The following PDPN variants were observed in gnomAD, a reference collection of about 807,000 sequenced individuals.
PDPN encodes PA2.26 antigen.
A neutral mutation model predicts 23.2 loss-of-function variants in PDPN; 12 were observed. The ratio of observed to expected loss-of-function variants is 0.52; its 90% confidence interval spans 0.33 to 0.84. PDPN has a LOEUF of 0.84. Among genes scored for constraint, PDPN ranks in the 40% least tolerant of loss-of-function variants. The pLI, the probability that PDPN is intolerant of heterozygous loss-of-function variation, is 0.02. For missense variants in PDPN, 199 were observed against 212.2 expected, an observed-to-expected ratio of 0.94 and a Z score of 0.39; for synonymous variants, 77 against 76.7, an observed-to-expected ratio of 1.00 and a Z score of -0.02.
rs115180936 is a variant in PDPN at position 13,600,701 on chromosome 1, A to T, written c.68-6472A>T. On this transcript the variant is annotated intron_variant, in intron 1 of 5. Transcript: ENST00000621990. ...CTTCCGACCTTGTTAAAGAAACACT[A>T]ATTCTGACACTTGTTGAAATTGTAC... Among the ~76,000 whole-genome samples the T allele has an allele frequency of 5.6e-3, 853 of 152,250 alleles. 6 individuals carry two copies. Among genetic ancestry groups the T allele is most frequent in the African/African-American group, 0.02 (811 of 41,556 alleles).
chr1:13,593,812 T>C (rs1640418299), intron 1 of PDPN, among the ~76,000 whole-genome samples: 1 of 152,216 alleles, frequency 6.6e-6, no homozygotes, highest in African/African-American at 2.4e-5. Flanking sequence ...GGACAGCACT[T>C]CTAAAGCAGG....
chr1:13,585,820 A>C (rs1241698755), intron 1 of PDPN, among the ~76,000 whole-genome samples: 3 of 152,178 alleles, frequency 2.0e-5, no homozygotes, highest in African/African-American at 4.8e-5. Context: ...AGGCGACTTG[A>C]ATATGGATGA....
intron 1 of PDPN, 44 bp downstream of exon 1, chr1:13,584,144 C>T (rs1160201245): frequency 5.0e-6 from 8 of 1,599,112 alleles, no homozygotes; most frequent in African/African-American, 4.0e-5. Flanking sequence ...CTGATGGGGA[C>T]GAGCGAGCAG....
intron 1 of PDPN, among the ~76,000 whole-genome samples, chr1:13,584,904 C>T (rs2100584469): frequency 6.6e-6 from 1 of 152,294 alleles, no homozygotes; most frequent in South Asian, 2.1e-4. Context: ...TCTCCTGGAG[C>T]CTTACCTCTT....
chr1:13,584,418 C>A, intron 1 of PDPN: 1 of 1,015,834 alleles, frequency 9.8e-7, no homozygotes. Context: ...TAGGCAGCCC[C>A]GCTTGCTGGC....
chr1:13,586,245 CGAAA>C (rs1422398215), intron 1 of PDPN, among the ~76,000 whole-genome samples: 1 of 152,130 alleles, frequency 6.6e-6, no homozygotes, highest in Non-Finnish European at 1.5e-5. Context: ...GTGATTTCCC[CGAAA>C]CGCTTGCCAG....
chr1:13,585,663 A>C (rs1640158483), intron 1 of PDPN: 1 of 1,347,758 alleles, frequency 7.4e-7, no homozygotes, highest in South Asian at 1.1e-5. Context: ...ATGGCGTTAA[A>C]ACCGAAAAAC....
intron 1 of PDPN, among the ~76,000 whole-genome samples, chr1:13,603,430 C>T (rs1041062570): frequency 3.3e-5 from 5 of 151,976 alleles, no homozygotes; most frequent in Admixed American, 6.6e-5. Context: ...TGCAATCTAG[C>T]GAGTTATTAG....
At chr1:13,601,637 C>CT (rs1164955765) in intron 1 of PDPN, among the ~76,000 whole-genome samples, 1 of 152,038 alleles carries the variant, frequency 6.6e-6, no homozygotes, top group Non-Finnish European at 1.5e-5. Context: ...GATTACAGGC[C>CT]TGAGCCACTG....
At chr1:13,600,246 C>T (rs571148397) in intron 1 of PDPN, among the ~76,000 whole-genome samples, 24 of 152,020 alleles carry the variant, frequency 1.6e-4, no homozygotes, top group Admixed American at 3.9e-4. Context: ...CCAAAGCTGC[C>T]GGGAGAGCAC....
chr1:13,592,583 CTT>C (rs1640377325), intron 1 of PDPN, among the ~76,000 whole-genome samples: 1 of 116,278 alleles, frequency 8.6e-6, no homozygotes, highest in Admixed American at 1.1e-4. Flanking sequence ...GAGTTTTGCT[CTT>C]GTTACCCAGG....
chr1:13,589,838 G>A (rs964531944), intron 1 of PDPN, among the ~76,000 whole-genome samples: 7 of 152,136 alleles, frequency 4.6e-5, no homozygotes, highest in African/African-American at 1.7e-4. Flanking sequence ...TTGATTGATT[G>A]ATCGATTGAG....
intron 1 of PDPN, among the ~76,000 whole-genome samples, chr1:13,587,267 A>G (rs1640205453): frequency 1.3e-5 from 2 of 152,198 alleles, no homozygotes; most frequent in South Asian, 4.1e-4. Flanking sequence ...GCATTTCCTG[A>G]GTTCTTGGTG....
At chr1:13,591,959 CA>C (rs1193460323) in intron 1 of PDPN, among the ~76,000 whole-genome samples, 1 of 152,208 alleles carries the variant, frequency 6.6e-6, no homozygotes, top group African/African-American at 2.4e-5. Context: ...TCCACATCCC[CA>C]CCAACACTTG....
intron 1 of PDPN, among the ~76,000 whole-genome samples, chr1:13,597,345 C>T (rs183229105): frequency 1.3e-5 from 2 of 152,330 alleles, no homozygotes; most frequent in East Asian, 1.9e-4. Context: ...CACTGAGCAA[C>T]GTGAAAGACC....
chr1:13,597,070 C>T (rs927395738), intron 1 of PDPN, among the ~76,000 whole-genome samples: 3 of 152,166 alleles, frequency 2.0e-5, no homozygotes, highest in Non-Finnish European at 2.9e-5. Flanking sequence ...GAACAGAAGT[C>T]GGTGTTTTTG....
chr1:13,616,006 C>T lies in PDPN; in HGVS notation c.*95C>T, dbSNP rs757778202. 1.1e-4 allele frequency: 127 copies of T among 1,192,752 alleles called. No individual in the cohort carries two copies. Among genetic ancestry groups the T allele is most frequent in the Non-Finnish European group, 1.4e-4 (111 of 797,740 alleles). The allele number at this position is 1,192,752 out of a possible 1,614,324, so 73.9% of individuals were successfully genotyped here. On this transcript the variant is annotated 3_prime_UTR_variant, in exon 6 of 6. Transcript: ENST00000621990. ...CCTGAGCTCGTGGGAGAAGATGACC[C>T]GTGGAACACTTGCCTGGCCCACTCA...
At chr1:13,588,929 G>T (rs34408904) in intron 1 of PDPN, among the ~76,000 whole-genome samples, 57,320 of 150,622 alleles carry the variant, frequency 0.38, 11,866 homozygotes, top group African/African-American at 0.55. Context: ...CCTCCCAGAG[G>T]GCTGGGATTA....
chr1:13,601,162 C>T (rs1640632258), intron 1 of PDPN, among the ~76,000 whole-genome samples: 2 of 152,178 alleles, frequency 1.3e-5, no homozygotes. Context: ...TCTAGCTACT[C>T]CCTGGTCACT....
Sources: gnomAD v4.1 joint callset for allele counts (sites outside exome capture counted in the v4.1 genomes callset) on GRCh38, gnomAD v4.1.1 for gene constraint, MANE v1.5 for transcripts, NCBI Gene and HGNC (gene_info 2026-07-23, HGNC 2026-07-21) for gene names.